Variants in MARCHF4 observed in about 807,000 individuals in gnomAD.
MARCHF4 encodes the protein E3 ubiquitin-protein ligase MARCHF4.
Under a neutral mutation model 43.9 loss-of-function variants are expected in MARCHF4, and 14 were observed. The observed-to-expected ratio is 0.32, with a 90% CI of 0.21 to 0.50. MARCHF4 has a LOEUF of 0.50. Among genes scored for constraint, MARCHF4 ranks in the 20% least tolerant of loss-of-function variants. The pLI is 0.98. For missense variants in MARCHF4, 468 were observed against 536.7 expected, an observed-to-expected ratio of 0.87 and a Z score of 1.27; for synonymous variants, 226 against 213.3, an observed-to-expected ratio of 1.06 and a Z score of -0.52.
chr2:216,286,520 T>TAA (rs10565877), intron 1 of MARCHF4, among the ~76,000 whole-genome samples: 29,812 of 143,244 alleles, frequency 0.21, 3,698 homozygotes, highest in Non-Finnish European at 0.27. Context: ...CAACTCCATC[T>TAA]AAAAAAAAAA....
chr2:216,327,348 C>A (rs988958474), intron 1 of MARCHF4, among the ~76,000 whole-genome samples: 13 of 151,792 alleles, frequency 8.6e-5, no homozygotes, highest in Non-Finnish European at 1.0e-4. Context: ...AAAATCTTCA[C>A]CCCCCCACCA....
rs976676257 is a variant in MARCHF4, at chr2:216,364,163, C to A, written c.516+5582G>T. Among the ~76,000 whole-genome samples, 3 of 152,108 alleles carry A rather than the reference C, an allele frequency of 2.0e-5. No individual in the cohort carries two copies. The South Asian group carries it at 6.2e-4, about 32-fold the overall frequency. The stretch of plus-strand genomic sequence containing the variant: ...ACTATCGAAGGTACTGCCCTGTGGA[C>A]CCTTTCTTCTGCAGAGCACACCTTT... On this transcript the variant is annotated intron_variant, in intron 1 of 3. Coordinates refer to ENST00000273067, the MANE Select transcript of MARCHF4 (RefSeq NM_020814.3).
At position 216,259,559 on chromosome 2, in the gene MARCHF4, C is replaced by G. The variant is rs1333154979; in HGVS notation, c.986G>C (p.Gly329Ala). ...GGAGGTCCGGGGGTTGGTCCTGCCT[C>G]CTGCCTTTTGATCCTCCAGGTCTTT... Reference protein sequence around the residue: ...KTKDLEDQKAGGRTNPRTSSS... With the variant: ...KTKDLEDQKAAGRTNPRTSSS... The change falls in exon 4 of 4, where the codon GGA becomes GCA. Residue 329 changes from glycine to alanine, a missense_variant. By Grantham distance (60) the Gly-to-Ala change is moderately conservative. This residue lies in a region of MARCHF4 where 120 missense variants were observed against 127.1 expected (regional missense o/e 0.94). Coordinates refer to ENST00000273067, the MANE Select transcript of MARCHF4 (RefSeq NM_020814.3). 2 of 1,614,072 alleles carry G rather than the reference C, an allele frequency of 1.2e-6. No homozygotes were observed. Among genetic ancestry groups the G allele is most frequent in the Admixed American group, 3.3e-5 (2 of 60,008 alleles).
intron 1 of MARCHF4, among the ~76,000 whole-genome samples, chr2:216,350,545 C>T (rs11685753): frequency 0.21 from 31,747 of 151,690 alleles, 4,231 homozygotes; most frequent in Non-Finnish European, 0.31. Flanking sequence ...TGTGCCACAC[C>T]ACCACACTGT....
chr2:216,303,501 T>C (rs567917410), intron 1 of MARCHF4: 1 of 152,424 alleles, frequency 6.6e-6, no homozygotes, highest in East Asian at 1.9e-4. Context: ...AGCTGGCTTT[T>C]TCCCTGATGT....
rs116362356 is a variant in MARCHF4 at position 216,336,308 on chromosome 2, G to C, written c.516+33437C>G. Among the ~76,000 whole-genome samples, 372 of 152,170 alleles carry C rather than the reference G, an allele frequency of 2.4e-3. 1 individual carries two copies. The highest frequency in any genetic ancestry group is 8.8e-3 in the African/African-American group (364 of 41,518). On this transcript the variant is annotated intron_variant, in intron 1 of 3. Coordinates refer to ENST00000273067, the MANE Select transcript of MARCHF4 (RefSeq NM_020814.3). ...TGACAACATTCTGGTGTCTAATGAG[G>C]AAATACACTTTTTGAATATTAAAGA... is the stretch of plus-strand genomic sequence containing the variant.
intron 1 of MARCHF4, among the ~76,000 whole-genome samples, chr2:216,332,391 A>G (rs1324012703): frequency 1.4e-5 from 2 of 141,132 alleles, no homozygotes; most frequent in Non-Finnish European, 3.1e-5. Flanking sequence ...GACTCTGTCT[A>G]AAAAAAAAAA....
intron 3 of MARCHF4, 34 bp downstream of exon 3, chr2:216,277,638 C>T: frequency 6.4e-7 from 1 of 1,559,692 alleles, no homozygotes. Flanking sequence ...CACATGGTTC[C>T]CCACTTCCCA....
chr2:216,354,940 TTTCTTTCTTTC>T (rs1360617959), intron 1 of MARCHF4, among the ~76,000 whole-genome samples: 27 of 140,958 alleles, frequency 1.9e-4, no homozygotes, highest in Non-Finnish European at 3.8e-4. Context: ...TCTTTCTTTC[TTTCTTTCTTTC>T]TTTCTTTCTT....
chr2:216,289,233 A>ACCCCCCCCCC (rs199838607), intron 1 of MARCHF4, among the ~76,000 whole-genome samples: 2 of 102,598 alleles, frequency 1.9e-5, no homozygotes, highest in African/African-American at 3.8e-5. Flanking sequence ...TTTCTTCCCC[A>ACCCCCCCCCC]CCCGCCCCCC....
intron 2 of MARCHF4, among the ~76,000 whole-genome samples, chr2:216,279,992 C>T (rs534370140): frequency 6.6e-6 from 1 of 152,186 alleles, no homozygotes; most frequent in African/African-American, 2.4e-5. Flanking sequence ...ATATAGAGGC[C>T]CAGAAAGCTT....
At chr2:216,278,043 C>T (rs1013897044) in intron 2 of MARCHF4, among the ~76,000 whole-genome samples, 179 bp from the exon 3 acceptor site, 1 of 152,100 alleles carries the variant, frequency 6.6e-6, no homozygotes, top group Non-Finnish European at 1.5e-5. Context: ...ACTTTTGATG[C>T]AGAGGAAATC....
intron 1 of MARCHF4, among the ~76,000 whole-genome samples, chr2:216,320,731 C>T (rs1303586256): frequency 4.1e-5 from 6 of 144,744 alleles, no homozygotes; most frequent in Non-Finnish European, 9.0e-5. Flanking sequence ...AGTGCAATGG[C>T]GCGATCTCGG....
At chr2:216,334,423 T>G (rs80125738) in intron 1 of MARCHF4, among the ~76,000 whole-genome samples, 2,275 of 152,050 alleles carry the variant, frequency 0.015, 27 homozygotes, top group East Asian at 0.037. Context: ...CTTTTTTTTT[T>G]GGGGTCTTGC....
At chr2:216,352,995 G>A (rs1574486100) in intron 1 of MARCHF4, among the ~76,000 whole-genome samples, 1 of 152,156 alleles carries the variant, frequency 6.6e-6, no homozygotes, top group Non-Finnish European at 1.5e-5. Context: ...TTCCCCTTGT[G>A]TGGGAGAAAG....
At chr2:216,264,146 C>T (rs1349846190) in intron 3 of MARCHF4, among the ~76,000 whole-genome samples, 1 of 152,204 alleles carries the variant, frequency 6.6e-6, no homozygotes, top group Admixed American at 6.5e-5. Context: ...GGTGTTCAAA[C>T]TGTGTCTGAA....
chr2:216,357,125 A>G (rs1692514755), intron 1 of MARCHF4, among the ~76,000 whole-genome samples: 1 of 152,322 alleles, frequency 6.6e-6, no homozygotes, highest in Non-Finnish European at 1.5e-5. Context: ...CAATGACCCA[A>G]ACTAGGAACT....
At chr2:216,277,433 T>A (rs1574461329) in intron 3 of MARCHF4, among the ~76,000 whole-genome samples, 1 of 152,212 alleles carries the variant, frequency 6.6e-6, no homozygotes, top group African/African-American at 2.4e-5. Flanking sequence ...CTCATCTTTA[T>A]CTTCAACTGT....
rs1234039386 is a variant in MARCHF4 at position 216,370,945 on chromosome 2, T to A, written c.-685A>T. 1 of 151,304 alleles carries A rather than the reference T, an allele frequency of 6.6e-6. No homozygotes were observed. The highest frequency in any genetic ancestry group is 1.5e-5 in the Non-Finnish European group (1 of 67,926). The allele number at this position is 151,304 out of a possible 1,614,324, so 9.4% of individuals were successfully genotyped here. On this transcript the variant is annotated 5_prime_UTR_variant, in exon 1 of 4. Coordinates refer to ENST00000273067, the MANE Select transcript of MARCHF4 (RefSeq NM_020814.3). The stretch of plus-strand genomic sequence containing the variant: ...AATTAACCCCCAGAAGCACCAGAGT[T>A]GCTTTTAAGAGAGCAGTTGGGTGGG...
Sources: allele counts gnomAD v4.1 joint callset (sites outside exome capture counted in the v4.1 genomes callset), GRCh38; gene constraint gnomAD v4.1.1; regional missense constraint gnomAD v4.1.1; transcripts MANE v1.5; gene names NCBI Gene and HGNC (gene_info 2026-07-23, HGNC 2026-07-21).